Variants in FGL1 observed in about 807,000 individuals in gnomAD.
FGL1 encodes fibrinogen-like protein 1.
Under a neutral mutation model 43.7 loss-of-function variants are expected in FGL1, and 59 were observed. The observed-to-expected ratio is 1.35, with a 90% CI of 1.10 to 1.68. The LOEUF is 1.68. FGL1 is among the 40% of genes most tolerant of loss of function. The pLI is 0.00. For synonymous variants in FGL1, 192 were observed against 126.5 expected, an observed-to-expected ratio of 1.52 and a Z score of -3.48; for missense variants, 596 against 373.0, an observed-to-expected ratio of 1.60 and a Z score of -4.92.
chr8:17,883,484 T>A (rs1206945485), intron 2 of FGL1, among the ~76,000 whole-genome samples: 6 of 127,838 alleles, frequency 4.7e-5, no homozygotes, highest in Non-Finnish European at 9.3e-5. Context: ...ATAAATAATA[T>A]ATAATATATT....
chr8:17,871,449 T>A (rs1401422916), intron 5 of FGL1, among the ~76,000 whole-genome samples: 2 of 145,312 alleles, frequency 1.4e-5, no homozygotes, highest in Non-Finnish European at 3.0e-5. Context: ...GCCAAGGCTG[T>A]GCCACTGCAC....
At chr8:17,889,548 T>A (rs2053676888) in intron 1 of FGL1, among the ~76,000 whole-genome samples, 2 of 152,140 alleles carry the variant, frequency 1.3e-5, no homozygotes, top group Admixed American at 6.5e-5. Flanking sequence ...ACACTCCACC[T>A]CAAACAACAA....
chr8:17,867,343 A>T (rs551382916), intron 7 of FGL1, among the ~76,000 whole-genome samples: 9 of 152,328 alleles, frequency 5.9e-5, no homozygotes, highest in African/African-American at 2.2e-4. Flanking sequence ...GCAGTAAACC[A>T]AAAGAAGACC....
Position 17,885,706 on chromosome 8 carries a change from C to G in FGL1, c.-17-135G>C, listed in dbSNP as rs577822711. ...TAATCTTAGAGTCGCCGAGGAAATT[C>G]TCCCAGACTTTCCCAGCCTCTCACC... On this transcript the variant is annotated intron_variant, in intron 1 of 7. Transcript: ENST00000427924. 7 of 645,868 alleles carry G rather than the reference C, an allele frequency of 1.1e-5. 1 individual carries two copies. The South Asian group carries it at 1.4e-4, about 13-fold the overall frequency. 40.0% of individuals were successfully genotyped at this position (645,868 alleles called of 1,614,324 possible). A position where few individuals can be genotyped will look rare whatever the true frequency, so the allele number is the denominator to read the frequency against.
intron 3 of FGL1, 59 bp from the exon 4 acceptor site, chr8:17,874,580 A>G: frequency 7.2e-7 from 1 of 1,398,110 alleles, no homozygotes; most frequent in Non-Finnish European, 9.9e-7. Context: ...CCCCCGCCTT[A>G]GGGAGCCTCT....
intron 5 of FGL1, among the ~76,000 whole-genome samples, chr8:17,870,451 A>T (rs1394423786): frequency 6.6e-6 from 1 of 152,196 alleles, no homozygotes; most frequent in Non-Finnish European, 1.5e-5. Flanking sequence ...TATAACAATG[A>T]CCTGTAAGGT....
intron 1 of FGL1, among the ~76,000 whole-genome samples, chr8:17,886,415 G>A (rs890415011): frequency 6.6e-6 from 1 of 152,106 alleles, no homozygotes; most frequent in African/African-American, 2.4e-5. Context: ...CAAAGAGAAA[G>A]GGAAAGAACA....
chr8:17,881,868 C>T (rs577612926), intron 3 of FGL1, 131 bp downstream of exon 3: 3 of 667,980 alleles, frequency 4.5e-6, no homozygotes, highest in Admixed American at 3.3e-5. Context: ...TGAAAGAAGA[C>T]ATTTACAATA....
chr8:17,879,617 T>C (rs906113855), intron 3 of FGL1, among the ~76,000 whole-genome samples: 1 of 152,146 alleles, frequency 6.6e-6, no homozygotes, highest in Non-Finnish European at 1.5e-5. Context: ...ATGTGAGATG[T>C]GCCTGCTTCT....
intron 1 of FGL1, among the ~76,000 whole-genome samples, chr8:17,887,098 G>A (rs930650774): frequency 1.3e-5 from 2 of 152,114 alleles, no homozygotes; most frequent in Non-Finnish European, 2.9e-5. Context: ...GGAGGAGAGA[G>A]ACCCTGTTCA....
At chr8:17,870,878 C>G (rs2053348313) in intron 5 of FGL1, among the ~76,000 whole-genome samples, 1 of 151,794 alleles carries the variant, frequency 6.6e-6, no homozygotes, top group Non-Finnish European at 1.5e-5. Context: ...TGCACTCCAG[C>G]CTGGCTACAG....
rs1267081949 is a variant in FGL1, at chr8:17,864,758, G to A, written c.780-7C>T. On this transcript the variant is annotated splice_polypyrimidine_tract_variant and splice_region_variant and intron_variant, in intron 7 of 7. Transcript: ENST00000427924. ...CAGGTTTGCAGAGTGACACCTAGTGGAAGGGAGAAAAAAAAAGAAAACAAC... is the reference window on the plus strand; with the variant it reads ...CAGGTTTGCAGAGTGACACCTAGTGAAAGGGAGAAAAAAAAAGAAAACAAC... 1 of 1,442,830 alleles carries A rather than the reference G, an allele frequency of 6.9e-7. No homozygotes were observed. Among genetic ancestry groups the A allele is most frequent in the Non-Finnish European group, 9.2e-7 (1 of 1,092,194 alleles). The allele number at this position is 1,442,830 out of a possible 1,614,324, so 89.4% of individuals were successfully genotyped here.
intron 3 of FGL1, 118 bp downstream of exon 3, chr8:17,881,881 T>C (rs1441342475): frequency 5.0e-6 from 4 of 801,544 alleles, no homozygotes; most frequent in South Asian, 1.9e-5. Flanking sequence ...TTACAATAGA[T>C]ATAATGCTTC....
At chr8:17,874,660 T>C (rs764939034) in intron 3 of FGL1, 139 bp from the exon 4 acceptor site, 2 of 497,258 alleles carry the variant, frequency 4.0e-6, no homozygotes, top group Non-Finnish European at 6.6e-6. Context: ...TAAAATTGCA[T>C]CTTGTACATC....
At chr8:17,873,290 T>G (rs2053392845) in intron 5 of FGL1, among the ~76,000 whole-genome samples, 2 of 152,170 alleles carry the variant, frequency 1.3e-5, no homozygotes. Flanking sequence ...CACTCTTTTT[T>G]GTGGAACCCT....
At chr8:17,879,445 G>C (rs1257265895) in intron 3 of FGL1, among the ~76,000 whole-genome samples, 1 of 152,122 alleles carries the variant, frequency 6.6e-6, no homozygotes, top group Non-Finnish European at 1.5e-5. Context: ...CCCAGTGTGG[G>C]AGGGAAGGCC....
At chr8:17,875,535 C>CTTTCTCTTTCTTTCTTTCTT (rs1554564386) in intron 3 of FGL1, among the ~76,000 whole-genome samples, 1 of 25,448 alleles carries the variant, frequency 3.9e-5, no homozygotes, top group African/African-American at 1.4e-4. Flanking sequence ...TTCTTTCTTT[C>CTTTCTCTTTCTTTCTTTCTT]TCTTTCTTTC....
intron 7 of FGL1, among the ~76,000 whole-genome samples, chr8:17,867,677 C>T (rs2053290536): frequency 6.6e-6 from 1 of 152,178 alleles, no homozygotes; most frequent in Non-Finnish European, 1.5e-5. Context: ...TGTCTTGGGG[C>T]AGGGAGGGCT....
chr8:17,882,836 A>C (rs2053560180), intron 2 of FGL1, among the ~76,000 whole-genome samples: 1 of 122,422 alleles, frequency 8.2e-6, no homozygotes, highest in Non-Finnish European at 1.6e-5. Context: ...ATAATATATT[A>C]AATAATATAT....
Sources: allele counts gnomAD v4.1 joint callset (sites outside exome capture counted in the v4.1 genomes callset), GRCh38; gene constraint gnomAD v4.1.1; transcripts MANE v1.5; gene names NCBI Gene and HGNC (gene_info 2026-07-23, HGNC 2026-07-21).